The following IDI1 variants were observed in gnomAD, a reference collection of about 807,000 sequenced individuals.
The protein encoded by IDI1 is isopentenyl-diphosphate delta isomerase 1.
Under a neutral mutation model 32.9 loss-of-function variants are expected in IDI1, and 23 were observed. The observed-to-expected ratio is 0.70, with a 90% confidence interval of 0.50 to 0.99. IDI1 has a LOEUF of 0.99. IDI1 is among the 50% of genes least tolerant of loss of function. The pLI is 0.00. For missense variants in IDI1, 326 were observed against 351.9 expected (o/e 0.93, Z 0.59); for synonymous variants, 133 against 128.2 (o/e 1.04, Z -0.25).
intron 4 of IDI1, among the ~76,000 whole-genome samples, chr10:1,041,778 A>G (rs1832599679): frequency 6.6e-6 from 1 of 151,334 alleles, no homozygotes; most frequent in Non-Finnish European, 1.5e-5. Flanking sequence ...GCAGTCACTC[A>G]AACTAGAAAT....
In IDI1 at chr10:1,042,721, G is replaced by T; in HGVS notation, c.448C>A (p.Pro150Thr). Residue 150 changes from proline to threonine, a missense_variant, in exon 4 of 5, where the codon CCA becomes ACA. Around this residue, in one of 2 missense-constraint regions of IDI1, gnomAD observed 205 missense variants for 273.5 expected, o/e 0.75. Coordinates refer to ENST00000381344, the MANE Select transcript of IDI1 (RefSeq NM_004508.4). ...GCGTCACTTTCCTCAAGCTCGGCTG[G>T]ATTGCTTAATGGATGACTACAACAC... ...NTCCSHPLSN[P>T]AELEESDALG... The T allele has an allele frequency of 6.2e-7, 1 of 1,613,850 alleles. No individual in the cohort carries two copies. The highest frequency in any genetic ancestry group is 1.1e-5 in the South Asian group (1 of 91,074).
At chr10:1,048,661 G>C in intron 1 of IDI1, 3 of 1,409,748 alleles carry the variant, frequency 2.1e-6, no homozygotes, top group Non-Finnish European at 2.8e-6. Context: ...CGCCTTCCAC[G>C]GGGCGCGGGC....
At chr10:1,041,588 G>C (rs191806276) in intron 4 of IDI1, 84 bp from the exon 5 acceptor site, 6 of 677,076 alleles carry the variant, frequency 8.9e-6, no homozygotes, top group Non-Finnish European at 1.2e-5. Flanking sequence ...GTATTACAGC[G>C]ATATCTCGAA....
upstream of IDI1, among the ~76,000 whole-genome samples, chr10:1,050,107 C>CT (rs1181019429): frequency 6.6e-6 from 1 of 152,196 alleles, no homozygotes; most frequent in African/African-American, 2.4e-5. Flanking sequence ...CGCTTGCACT[C>CT]TCTTAAAATG....
Position 1,040,986 on chromosome 10 carries a change from C to G in IDI1, c.*201G>C, listed in dbSNP as rs1832559043. On this transcript the variant is annotated 3_prime_UTR_variant, in exon 5 of 5. Coordinates refer to ENST00000381344, the MANE Select transcript of IDI1 (RefSeq NM_004508.4). ...TGTCGCTTAGAAACAGAACACATAT[C>G]CAGGGTGTGTGATACAAAATTATAA... 1 of 478,336 alleles carries G rather than the reference C, an allele frequency of 2.1e-6. No individual in the cohort carries two copies. The highest frequency in any genetic ancestry group is 2.0e-5 in the African/African-American group (1 of 51,162). The allele number at this position is 478,336 out of a possible 1,614,324, so 29.6% of individuals were successfully genotyped here. A position where few individuals can be genotyped will look rare whatever the true frequency, so the allele number is the denominator to read the frequency against.
Position 1,041,511 on chromosome 10 carries a change from C to CA in IDI1, c.538-8dup. On this transcript the variant is annotated splice_region_variant and splice_polypyrimidine_tract_variant and intron_variant, in intron 4 of 4. Coordinates refer to ENST00000381344, the MANE Select transcript of IDI1 (RefSeq NM_004508.4). ...TAATTTCTTCTGGAGGAACCTAAGA[C>CA]ATTAAAAAAAAAAAAGTAATTAAAA... is the stretch of plus-strand genomic sequence containing the variant. The CA allele has an allele frequency of 2.1e-6, 3 of 1,401,554 alleles. No homozygotes were observed. The highest frequency in any genetic ancestry group is 1.3e-5 in the South Asian group (1 of 74,096). 86.8% of individuals were successfully genotyped at this position (1,401,554 alleles called of 1,614,324 possible).
In IDI1 at chr10:1,039,768, A is replaced by G. The variant is rs1832495872; in HGVS notation, c.*1419T>C. The G allele has an allele frequency of 6.6e-6, 1 of 152,266 alleles. No individual in the cohort carries two copies. Among genetic ancestry groups the G allele is most frequent in the African/African-American group, 2.4e-5 (1 of 41,476 alleles). 9.4% of individuals were successfully genotyped at this position (152,266 alleles called of 1,614,324 possible). A position where few individuals can be genotyped will look rare whatever the true frequency, so the allele number is the denominator to read the frequency against. On this transcript the variant is annotated 3_prime_UTR_variant, in exon 5 of 5. Transcript: ENST00000381344. ...CATGGCAACTCATAGTTATCACATA[A>G]CTAATTATATGTGGCTTTCAGCCTA...
chr10:1,050,922 A>G (rs964965947), upstream of IDI1, among the ~76,000 whole-genome samples: 4 of 152,272 alleles, frequency 2.6e-5, no homozygotes, highest in African/African-American at 9.6e-5. Context: ...TTGAAAATTG[A>G]GAAGTATTTT....
chr10:1,049,743 C>T (rs1457235468), upstream of IDI1: 1 of 152,228 alleles, frequency 6.6e-6, no homozygotes, highest in Non-Finnish European at 1.5e-5. Context: ...CAACCTCCGC[C>T]GCCCGGGTTC....
rs761085284 is a variant in IDI1, at chr10:1,042,621, G to C, written c.537+11C>G. On this transcript the variant is annotated intron_variant, in intron 4 of 4. Transcript: ENST00000381344. ...TTTCAGCTTGTATGGTTGTGTAGGA[G>C]AGCTGGTTACCTCTTCCAAGGGAAT... is the stretch of plus-strand genomic sequence containing the variant. 211 of 1,613,426 alleles carry C rather than the reference G, an allele frequency of 1.3e-4. No individual in the cohort carries two copies. The highest frequency in any genetic ancestry group is 1.8e-4 in the Non-Finnish European group (209 of 1,179,674).
chr10:1,040,990 G>C lies in IDI1; in HGVS notation c.*197C>G. 2 of 486,434 alleles carry C rather than the reference G, an allele frequency of 4.1e-6. No individual in the cohort carries two copies. Among genetic ancestry groups the C allele is most frequent in the East Asian group, 6.2e-5 (2 of 32,128 alleles). 30.1% of individuals were successfully genotyped at this position (486,434 alleles called of 1,614,324 possible). On this transcript the variant is annotated 3_prime_UTR_variant, in exon 5 of 5. Coordinates refer to ENST00000381344, the MANE Select transcript of IDI1 (RefSeq NM_004508.4). ...GCTTAGAAACAGAACACATATCCAG[G>C]GTGTGTGATACAAAATTATAAGTTA...
chr10:1,044,477 T>A (rs1832737982), intron 1 of IDI1, among the ~76,000 whole-genome samples: 1 of 152,166 alleles, frequency 6.6e-6, no homozygotes, highest in Non-Finnish European at 1.5e-5. Context: ...CCAGTGTACT[T>A]TTCTTCTCTG....
In IDI1 at chr10:1,041,424, A is replaced by G; in HGVS notation, c.618T>C (p.Ile206=). 1 of 1,610,582 alleles carries G rather than the reference A, an allele frequency of 6.2e-7. No homozygotes were observed. Among genetic ancestry groups the G allele is most frequent in the African/African-American group, 1.3e-5 (1 of 74,952 alleles). Residue 206 remains isoleucine (I), a synonymous_variant, in exon 5 of 5, where the codon ATT becomes ATC. Transcript: ENST00000381344. ...QSDGIWGEHE[I]DYILLVRKNV... ...TCTTCCTCACCAACAAAATGTAATC[A>G]ATTTCATGTTCACCCCAGATACCAT...
chr10:1,049,850 C>T (rs1030469042), upstream of IDI1, among the ~76,000 whole-genome samples: 3 of 152,116 alleles, frequency 2.0e-5, no homozygotes, highest in Non-Finnish European at 4.4e-5. Flanking sequence ...GACGGGTTTC[C>T]GCATGTTGGT....
Position 1,048,499 on chromosome 10 carries a change from T to C in IDI1, c.140+365A>G, listed in dbSNP as rs1020728340. On this transcript the variant is annotated intron_variant, in intron 1 of 4. Coordinates refer to ENST00000381344, the MANE Select transcript of IDI1 (RefSeq NM_004508.4). ...TGACGATGCTGTCTACGCTTGTTTC[T>C]GAATTCTCTAAGGGGAGACTCGCAA... is the stretch of plus-strand genomic sequence containing the variant. The C allele has an allele frequency of 3.2e-6, 4 of 1,248,518 alleles. No individual in the cohort carries two copies. The African/African-American group carries it at 6.2e-5, about 19-fold the overall frequency. The allele number at this position is 1,248,518 out of a possible 1,614,324, so 77.3% of individuals were successfully genotyped here.
chr10:1,052,593 CTTTT>C (rs928816650), upstream of IDI1, among the ~76,000 whole-genome samples: 1 of 150,078 alleles, frequency 6.7e-6, no homozygotes, highest in Admixed American at 6.6e-5. Flanking sequence ...GAAACGAAAT[CTTTT>C]TTTTTTCCTG....
At chr10:1,052,407 G>A (rs1833038258), upstream of IDI1, among the ~76,000 whole-genome samples, 1 of 152,206 alleles carries the variant, frequency 6.6e-6, no homozygotes, top group South Asian at 2.1e-4. Context: ...GGCAGCCATA[G>A]CCTTACAAAA....
Position 1,041,323 on chromosome 10 carries a change from A to G in IDI1, c.719T>C (p.Leu240Pro), listed in dbSNP as rs779812108. The G allele has an allele frequency of 1.2e-6, 2 of 1,613,850 alleles. No homozygotes were observed. Residue 240 changes from leucine to proline, a missense_variant, in exon 5 of 5, where the codon CTG becomes CCG. Leu to Pro is a moderately conservative substitution (Grantham distance 98). Around this residue, in one of 2 missense-constraint regions of IDI1, gnomAD observed 205 missense variants for 273.5 expected, o/e 0.75. Coordinates refer to ENST00000381344, the MANE Select transcript of IDI1 (RefSeq NM_004508.4). ...AATTTCACCACTGGCTGCTTTTTTC[A>G]GAAGTTCTTTTAGTTCTTCCTTTGA... ...YVSKEELKELLKKAASGEIKI... is the reference protein window; with the variant it reads ...YVSKEELKELPKKAASGEIKI...
At chr10:1,043,809 G>A in intron 2 of IDI1, 190 bp downstream of exon 2, 1 of 672,532 alleles carries the variant, frequency 1.5e-6, no homozygotes, top group Non-Finnish European at 2.7e-6. Flanking sequence ...CAGGCATGAA[G>A]TGAAGAGAAA....
Sources: gnomAD v4.1 joint callset for allele counts (sites outside exome capture counted in the v4.1 genomes callset) on GRCh38, gnomAD v4.1.1 for gene constraint, gnomAD v4.1.1 regional missense constraint, MANE v1.5 for transcripts, NCBI Gene and HGNC (gene_info 2026-07-23, HGNC 2026-07-21) for gene names.